The following BMP2 variants were observed in gnomAD, a reference collection of about 807,000 sequenced individuals.
The protein encoded by BMP2 is bone morphogenetic protein 2A.
A neutral mutation model predicts 28.8 loss-of-function variants in BMP2; 2 were observed. The observed-to-expected ratio is 0.07, with a 90% CI of 0.03 to 0.22. The LOEUF is 0.22. Among genes scored for constraint, BMP2 ranks in the 10% least tolerant of loss-of-function variants. BMP2 has a pLI of 1.00. For synonymous variants in BMP2, 218 were observed against 204.3 expected (o/e 1.07, Z -0.57); for missense variants, 437 against 517.7 (o/e 0.84, Z 1.51).
intron 2 of BMP2, among the ~76,000 whole-genome samples, chr20:6,776,913 A>G (rs1196847465): frequency 6.6e-6 from 1 of 152,246 alleles, no homozygotes; most frequent in African/African-American, 2.4e-5. Flanking sequence ...TGTAAAATTA[A>G]TAAAAACATA....
At chr20:6,773,352 C>T (rs902846068) in intron 2 of BMP2, among the ~76,000 whole-genome samples, 1 of 152,130 alleles carries the variant, frequency 6.6e-6, no homozygotes, top group Admixed American at 6.5e-5. Context: ...CCCTAGTGGC[C>T]CCAGGTATTT....
chr20:6,775,411 G>T (rs899962023), intron 2 of BMP2, among the ~76,000 whole-genome samples: 3 of 152,136 alleles, frequency 2.0e-5, no homozygotes, highest in Admixed American at 2.0e-4. Context: ...CAGGGGTGTT[G>T]CAATGGATGC....
At chr20:6,773,787 T>C (rs997361973) in intron 2 of BMP2, among the ~76,000 whole-genome samples, 2 of 152,218 alleles carry the variant, frequency 1.3e-5, no homozygotes, top group Non-Finnish European at 2.9e-5. Flanking sequence ...GAAAATCTTA[T>C]ATTATACTCA....
Position 6,778,333 on chromosome 20 carries a change from C to A in BMP2, c.435C>A (p.Ile145=), listed in dbSNP as rs781128305. ...GTTCTATCCCCACGGAGGAGTTTAT[C>A]ACCTCAGCAGAGCTTCAGGTTTTCC... The part of the protein sequence containing the change: ...NLSSIPTEEF[I]TSAELQVFRE... The change falls in exon 3 of 3, where the codon ATC becomes ATA. Residue 145 remains isoleucine (I), a synonymous_variant. Transcript: ENST00000378827. The surrounding 1 kb of genome is among the most constrained non-coding windows in gnomAD (Gnocchi z 5.0). 32 of 1,614,202 alleles carry A rather than the reference C, an allele frequency of 2.0e-5. No individual in the cohort carries two copies. In the Admixed American group the frequency reaches 5.3e-4, roughly 27 times the overall value.
intron 2 of BMP2, among the ~76,000 whole-genome samples, chr20:6,771,682 C>T (rs935594306): frequency 2.6e-5 from 4 of 152,172 alleles, no homozygotes; most frequent in Non-Finnish European, 5.9e-5. Context: ...GCAGAAGATA[C>T]GTTCTCATTG....
At chr20:6,775,679 G>A (rs1449724065) in intron 2 of BMP2, among the ~76,000 whole-genome samples, 1 of 151,980 alleles carries the variant, frequency 6.6e-6, no homozygotes, top group Non-Finnish European at 1.5e-5. Context: ...AATTTTTTGG[G>A]AGGTTATTAT....
In BMP2 at chr20:6,770,107, G is replaced by T; in HGVS notation, c.-7-13G>T. 1 of 1,526,118 alleles carries T rather than the reference G, an allele frequency of 6.6e-7. No individual in the cohort carries two copies. Among genetic ancestry groups the T allele is most frequent in the Non-Finnish European group, 8.8e-7 (1 of 1,136,640 alleles). The allele number at this position is 1,526,118 out of a possible 1,614,324, so 94.5% of individuals were successfully genotyped here. Reference sequence around the variant, plus strand: ...CGGGGAACTCGGGTGACTCACGTCGGTCCTGTCCGCAGGTCGACCATGGTG... The same window carrying T: ...CGGGGAACTCGGGTGACTCACGTCGTTCCTGTCCGCAGGTCGACCATGGTG... On this transcript the variant is annotated splice_polypyrimidine_tract_variant and intron_variant, in intron 1 of 2. Coordinates refer to ENST00000378827, the MANE Select transcript of BMP2 (RefSeq NM_001200.4).
At chr20:6,770,768 C>T (rs978902547) in intron 2 of BMP2, among the ~76,000 whole-genome samples, 2 of 152,176 alleles carry the variant, frequency 1.3e-5, no homozygotes, top group Admixed American at 6.5e-5. Flanking sequence ...GGGCAAAAGG[C>T]ATGCCTCTAG....
Position 6,770,281 on chromosome 20 carries a change from A to C in BMP2, c.155A>C (p.Glu52Ala). ...CAGCCCTCTGACGAGGTCCTGAGCGAGTTCGAGTTGCGGCTGCTCAGCATG... is the reference window on the plus strand; with the variant it reads ...CAGCCCTCTGACGAGGTCCTGAGCGCGTTCGAGTTGCGGCTGCTCAGCATG... ...SSQPSDEVLS[E>A]FELRLLSMFG... Residue 52 changes from glutamate (E) to alanine (A), a missense_variant, in exon 2 of 3, where the codon GAG (glutamate) becomes GCG (alanine). Around this residue, in one of 2 missense-constraint regions of BMP2, gnomAD observed 363 missense variants for 392.8 expected, o/e 0.92. Transcript: ENST00000378827. 2 of 1,613,464 alleles carry C rather than the reference A, an allele frequency of 1.2e-6. No homozygotes were observed.
At chr20:6,772,935 T>C (rs141331506) in intron 2 of BMP2, among the ~76,000 whole-genome samples, 399 of 152,328 alleles carry the variant, frequency 2.6e-3, no homozygotes, top group African/African-American at 9.3e-3. Flanking sequence ...GAAACTGCCA[T>C]TGAACATAGA....
rs1049007 is a variant in BMP2, at chr20:6,770,387, A to G, written c.261A>G (p.Ser87=). The part of the protein sequence containing the change: ...PYMLDLYRRH[S]GQPGSPAPDH... ...TGCTAGACCTGTATCGCAGGCACTCAGGTCAGCCGGGCTCACCCGCCCCAG... is the reference window on the plus strand; with the variant it reads ...TGCTAGACCTGTATCGCAGGCACTCGGGTCAGCCGGGCTCACCCGCCCCAG... The change falls in exon 2 of 3, where the codon TCA becomes TCG. Residue 87 remains serine, a synonymous_variant. Transcript: ENST00000378827. The G allele has an allele frequency of 0.64, 1,038,242 of 1,612,632 alleles. 338,045 individuals carry two copies. The highest frequency in any genetic ancestry group is 0.86 in the African/African-American group (64,723 of 74,996).
At position 6,767,687 on chromosome 20, in the gene BMP2, C is replaced by G. The variant is rs1006016838; in HGVS notation, c.-1196C>G. The G allele has an allele frequency of 2.8e-4, 41 of 149,002 alleles. No homozygotes were observed. Among genetic ancestry groups the G allele is most frequent in the African/African-American group, 9.5e-4 (39 of 40,988 alleles). 9.2% of individuals were successfully genotyped at this position (149,002 alleles called of 1,614,324 possible). A position where few individuals can be genotyped will look rare whatever the true frequency, so the allele number is the denominator to read the frequency against. On this transcript the variant is annotated 5_prime_UTR_variant, in exon 1 of 3. Coordinates refer to ENST00000378827, the MANE Select transcript of BMP2 (RefSeq NM_001200.4). Reference sequence around the variant, plus strand: ...AAGCCGCGAGCGCCGCGCCACGGCGCCGCCGCCGCCGTCGCCGCCGCCGGA... The same window carrying G: ...AAGCCGCGAGCGCCGCGCCACGGCGGCGCCGCCGCCGTCGCCGCCGCCGGA...
rs772487751 is a variant in BMP2 at position 6,778,709 on chromosome 20, G to A, written c.811G>A (p.Gly271Arg). ...ATTGCTAGTAACTTTTGGCCATGAT[G>A]GAAAAGGGCATCCTCTCCACAAAAG... ...RPLLVTFGHD[G>R]KGHPLHKREK... Residue 271 changes from glycine to arginine, a missense_variant, in exon 3 of 3, where the codon GGA (glycine) becomes AGA (arginine). Around this residue, in one of 2 missense-constraint regions of BMP2, gnomAD observed 363 missense variants for 392.8 expected, o/e 0.92. Transcript: ENST00000378827. The surrounding 1 kb of genome is among the most constrained non-coding windows in gnomAD (Gnocchi z 5.0). 6.2e-7 allele frequency: 1 copy of A among 1,614,080 alleles called. No homozygotes were observed. Among genetic ancestry groups the A allele is most frequent in the African/African-American group, 1.3e-5 (1 of 74,992 alleles).
intron 2 of BMP2, among the ~76,000 whole-genome samples, chr20:6,776,168 C>A (rs1986496699): frequency 6.6e-6 from 1 of 152,100 alleles, no homozygotes; most frequent in African/African-American, 2.4e-5. Flanking sequence ...TGAGAAGAGT[C>A]CAGGTTCAAA....
intron 2 of BMP2, among the ~76,000 whole-genome samples, chr20:6,776,848 G>A (rs1325596245): frequency 2.6e-5 from 4 of 152,120 alleles, no homozygotes; most frequent in Admixed American, 6.6e-5. Context: ...CCTTTGCTAA[G>A]GCATCTAGAT....
Position 6,770,386 on chromosome 20 carries a change from C to T in BMP2, c.260C>T (p.Ser87Leu), listed in dbSNP as rs760484979. ...PYMLDLYRRH[S>L]GQPGSPAPDH... ...ATGCTAGACCTGTATCGCAGGCACT[C>T]AGGTCAGCCGGGCTCACCCGCCCCA... Residue 87 changes from serine (S) to leucine (L), a missense_variant, in exon 2 of 3, where the codon TCA (serine) becomes TTA (leucine). Transcript: ENST00000378827. 8 of 1,613,022 alleles carry T rather than the reference C, an allele frequency of 5.0e-6. No individual in the cohort carries two copies. The East Asian group carries it at 6.7e-5, about 13-fold the overall frequency.
At position 6,767,910 on chromosome 20, in the gene BMP2, G is replaced by A; in HGVS notation, c.-973G>A. The stretch of plus-strand genomic sequence containing the variant: ...GCGCGCCGCAGACCCCGCGCGGGCT[G>A]GAGCACCCGGCAGAGCGCGCCACAG... On this transcript the variant is annotated 5_prime_UTR_variant, in exon 1 of 3. Coordinates refer to ENST00000378827, the MANE Select transcript of BMP2 (RefSeq NM_001200.4). 2.6e-6 allele frequency: 1 copy of A among 379,848 alleles called. No homozygotes were observed. The highest frequency in any genetic ancestry group is 4.7e-6 in the Non-Finnish European group (1 of 214,358). The allele number at this position is 379,848 out of a possible 1,614,324, so 23.5% of individuals were successfully genotyped here.
At chr20:6,770,086 G>T in intron 1 of BMP2, 34 bp from the exon 2 acceptor site, 2 of 1,497,422 alleles carry the variant, frequency 1.3e-6, no homozygotes, top group Non-Finnish European at 1.8e-6. Flanking sequence ...ACTGGGCGGG[G>T]AACTCGGGTG....
chr20:6,772,548 AG>A (rs1986420658), intron 2 of BMP2, among the ~76,000 whole-genome samples: 1 of 152,200 alleles, frequency 6.6e-6, no homozygotes, highest in African/African-American at 2.4e-5. Context: ...CCACGAAAAA[AG>A]TTTTTGGTAA....
Sources: gnomAD v4.1 joint callset for allele counts (sites outside exome capture counted in the v4.1 genomes callset) on GRCh38, gnomAD v4.1.1 for gene constraint, gnomAD v4.1.1 regional missense constraint, Gnocchi (gnomAD v3.1) non-coding constraint, MANE v1.5 for transcripts, NCBI Gene and HGNC (gene_info 2026-07-23, HGNC 2026-07-21) for gene names.